CIB4: variants seen among roughly 807,000 people sequenced by gnomAD.
CIB4 encodes the protein calcium and integrin-binding family member 4.
A neutral mutation model predicts 25.8 loss-of-function variants in CIB4; 25 were observed. The observed-to-expected ratio is 0.97, with a 90% CI of 0.71 to 1.35. CIB4 has a LOEUF of 1.35. Among genes scored for constraint, CIB4 ranks in the 40% most tolerant of loss-of-function variants. The pLI, the probability that CIB4 is intolerant of heterozygous loss-of-function variation, is 0.00. For missense variants in CIB4, 235 were observed against 228.2 expected, an observed-to-expected ratio of 1.03 and a Z score of -0.19; for synonymous variants, 75 against 81.4, an observed-to-expected ratio of 0.92 and a Z score of 0.42.
Position 26,581,396 on chromosome 2 carries a change from G to A in CIB4, c.528-3C>T, listed in dbSNP as rs978959438. The A allele has an allele frequency of 1.1e-5, 18 of 1,613,476 alleles. No individual in the cohort carries two copies. The highest frequency in any genetic ancestry group is 1.5e-5 in the Non-Finnish European group (18 of 1,179,676). Reference sequence around the variant, plus strand: ...CCCAGAAGTGAATCCGAAAGGAGCTGAAAGAAAGAATCCCGTGAGCCATGT... The same window carrying A: ...CCCAGAAGTGAATCCGAAAGGAGCTAAAAGAAAGAATCCCGTGAGCCATGT... On this transcript the variant is annotated splice_polypyrimidine_tract_variant and splice_region_variant and intron_variant, in intron 6 of 6. Transcript: ENST00000288861.
At chr2:26,615,691 C>T (rs766948969) in intron 3 of CIB4, among the ~76,000 whole-genome samples, 8 of 152,250 alleles carry the variant, frequency 5.3e-5, no homozygotes, top group Non-Finnish European at 8.8e-5. Context: ...AAGGGTGGTG[C>T]CAAGCCCAAG....
chr2:26,592,689 T>C (rs1203037222), intron 4 of CIB4, among the ~76,000 whole-genome samples: 1 of 152,218 alleles, frequency 6.6e-6, no homozygotes, highest in Non-Finnish European at 1.5e-5. Flanking sequence ...ATTTCTATTG[T>C]TCTGTCTTCA....
chr2:26,585,552 C>T (rs1668435681), intron 4 of CIB4, among the ~76,000 whole-genome samples: 1 of 152,056 alleles, frequency 6.6e-6, no homozygotes. Flanking sequence ...TTATAATAAT[C>T]ACCACCACAG....
chr2:26,585,971 C>A (rs2148188333), intron 4 of CIB4, among the ~76,000 whole-genome samples: 1 of 152,194 alleles, frequency 6.6e-6, no homozygotes, highest in South Asian at 2.1e-4. Flanking sequence ...CTGGAGTCAC[C>A]CTTACCTCTC....
intron 5 of CIB4, among the ~76,000 whole-genome samples, chr2:26,583,497 G>C (rs771098859): frequency 1.3e-5 from 2 of 152,084 alleles, no homozygotes; most frequent in Non-Finnish European, 2.9e-5. Flanking sequence ...GAGGCCCCTC[G>C]AGTGGGTGGG....
intron 3 of CIB4, among the ~76,000 whole-genome samples, chr2:26,617,365 CTT>C: frequency 6.6e-6 from 1 of 152,326 alleles, no homozygotes; most frequent in Middle Eastern, 3.4e-3. Context: ...CCTGTAGCCA[CTT>C]CTGGAGCTGG....
intron 2 of CIB4, among the ~76,000 whole-genome samples, chr2:26,637,153 G>C (rs1197178225): frequency 6.6e-6 from 1 of 152,154 alleles, no homozygotes; most frequent in Admixed American, 6.5e-5. Flanking sequence ...GGGGTGCCAA[G>C]TTGATTGTGG....
intron 3 of CIB4, among the ~76,000 whole-genome samples, chr2:26,606,123 G>A (rs1668885063): frequency 6.6e-6 from 1 of 152,232 alleles, no homozygotes; most frequent in Non-Finnish European, 1.5e-5. Flanking sequence ...TCAAGTCCTT[G>A]CCGCAAATGC....
At position 26,627,583 on chromosome 2, in the gene CIB4, G is replaced by C. The variant is rs1669333216; in HGVS notation, c.186+1827C>G. ...CCCACCCACATGTGGTGGAGCCCAT[G>C]CACGTGTACACATGGGGTGTGACTG... On this transcript the variant is annotated intron_variant, in intron 3 of 6. Coordinates refer to ENST00000288861, the MANE Select transcript of CIB4 (RefSeq NM_001029881.3). This position sits in a 1 kb window ranked among gnomAD's most constrained non-coding sequence, Gnocchi z 4.0. Among the ~76,000 whole-genome samples the C allele has an allele frequency of 6.6e-6, 1 of 152,194 alleles. No individual in the cohort carries two copies. Among genetic ancestry groups the C allele is most frequent in the African/African-American group, 2.4e-5 (1 of 41,438 alleles).
chr2:26,590,057 C>G (rs79108188), intron 4 of CIB4, among the ~76,000 whole-genome samples: 2,100 of 152,146 alleles, frequency 0.014, 48 homozygotes, highest in African/African-American at 0.048. Flanking sequence ...TGACTCCAGA[C>G]TTTGTTTTTT....
chr2:26,619,921 C>A (rs1312307065), intron 3 of CIB4, among the ~76,000 whole-genome samples: 1 of 150,704 alleles, frequency 6.6e-6, no homozygotes, highest in Admixed American at 6.6e-5. Flanking sequence ...ATCTCCATCC[C>A]GGAATCCCCT....
intron 3 of CIB4, among the ~76,000 whole-genome samples, chr2:26,607,951 G>T (rs1480699723): frequency 3.3e-5 from 5 of 152,270 alleles, no homozygotes; most frequent in Non-Finnish European, 7.3e-5. Context: ...AAGGAGAGCA[G>T]CTCTGGCCGG....
intron 5 of CIB4, 64 bp from the exon 6 acceptor site, chr2:26,582,977 G>A (rs575844214): frequency 4.5e-6 from 5 of 1,106,756 alleles, no homozygotes; most frequent in Non-Finnish European, 6.9e-6. Context: ...GTGGGGCACA[G>A]GGTGGAGGGG....
At chr2:26,605,711 C>T (rs1398294460) in intron 3 of CIB4, 5 of 273,016 alleles carry the variant, frequency 1.8e-5, no homozygotes, top group African/African-American at 1.1e-4. Context: ...GCTGTGACGA[C>T]CTTGCAGGCA....
intron 6 of CIB4, among the ~76,000 whole-genome samples, chr2:26,582,039 G>A (rs762755120): frequency 6.6e-6 from 1 of 152,236 alleles, no homozygotes; most frequent in Non-Finnish European, 1.5e-5. Flanking sequence ...GCGTGGAGGG[G>A]CGATGGGAGG....
chr2:26,623,258 G>A (rs745489464), intron 3 of CIB4, among the ~76,000 whole-genome samples: 2 of 151,936 alleles, frequency 1.3e-5, no homozygotes, highest in Admixed American at 6.6e-5. Flanking sequence ...CAGGAGGATC[G>A]CTTTAGCCCC....
intron 3 of CIB4, among the ~76,000 whole-genome samples, chr2:26,601,998 C>G (rs1479905760): frequency 6.6e-6 from 1 of 152,100 alleles, no homozygotes; most frequent in African/African-American, 2.4e-5. Context: ...GAGTTCACTA[C>G]AAAGGAAATT....
chr2:26,630,297 C>A (rs1452173182), intron 2 of CIB4, among the ~76,000 whole-genome samples: 1 of 152,212 alleles, frequency 6.6e-6, no homozygotes, highest in African/African-American at 2.4e-5. Flanking sequence ...CACCAGCAAG[C>A]TCTTAGGCCT....
intron 4 of CIB4, among the ~76,000 whole-genome samples, 200 bp downstream of exon 4, chr2:26,594,976 G>A (rs779593561): frequency 2.6e-5 from 4 of 152,014 alleles, no homozygotes; most frequent in Non-Finnish European, 5.9e-5. Context: ...ATGACACCGA[G>A]GGGAGTCTGT....
Sources: gnomAD v4.1 joint callset for allele counts (sites outside exome capture counted in the v4.1 genomes callset) on GRCh38, gnomAD v4.1.1 for gene constraint, Gnocchi (gnomAD v3.1) non-coding constraint, MANE v1.5 for transcripts, NCBI Gene and HGNC (gene_info 2026-07-23, HGNC 2026-07-21) for gene names.